SMC1B: variants seen among roughly 807,000 people sequenced by gnomAD.
SMC1B encodes structural maintenance of chromosomes 1B, also known as structural maintenance of chromosomes protein 1B.
A neutral mutation model predicts 157.9 loss-of-function variants in SMC1B; 60 were observed. The observed-to-expected ratio is 0.38, with a 90% CI of 0.31 to 0.47. The LOEUF (loss-of-function observed/expected upper bound fraction) is 0.47, where lower values mean the gene tolerates loss of function less well. SMC1B is among the 20% of genes least tolerant of loss of function. SMC1B has a pLI of 0.99. For synonymous variants in SMC1B, 445 were observed against 483.0 expected, an observed-to-expected ratio of 0.92 and a Z score of 1.03; for missense variants, 1,165 against 1,426.2, an observed-to-expected ratio of 0.82 and a Z score of 2.95.
In SMC1B at chr22:45,349,773, A is replaced by G. The variant is rs781418432; in HGVS notation, c.3450T>C (p.Val1150=). Residue 1150 remains valine (V), a synonymous_variant, in exon 23 of 25, where the codon GTT becomes GTC. Transcript: ENST00000357450. ...CTAGGGCTGCATCCACTTCATCTAA[A>G]ACAAAGAATGGGGCAGGACGAAAAC... The part of the protein sequence containing the change: ...VHSFRPAPFF[V]LDEVDAALDN... 6.2e-7 allele frequency: 1 copy of G among 1,612,170 alleles called. No individual in the cohort carries two copies. The highest frequency in any genetic ancestry group is 8.5e-7 in the Non-Finnish European group (1 of 1,179,558).
chr22:45,411,803 T>C (rs933058529), intron 1 of SMC1B, among the ~76,000 whole-genome samples: 2 of 152,156 alleles, frequency 1.3e-5, no homozygotes, highest in African/African-American at 4.8e-5. Context: ...CAGGCTGGTC[T>C]TGAACCCCTA....
intron 1 of SMC1B, among the ~76,000 whole-genome samples, chr22:45,409,609 T>TAAATAAAA (rs1471181472): frequency 3.1e-4 from 26 of 84,296 alleles, no homozygotes; most frequent in Non-Finnish European, 4.8e-4. Context: ...AATAAATAAA[T>TAAATAAAA]AAAAACAAGA....
intron 14 of SMC1B, 135 bp downstream of exon 14, chr22:45,371,336 C>T: frequency 6.9e-6 from 9 of 1,303,526 alleles, no homozygotes; most frequent in Non-Finnish European, 8.8e-6. Flanking sequence ...TAAAACTTAG[C>T]TTACAACATT....
intron 4 of SMC1B, among the ~76,000 whole-genome samples, chr22:45,403,621 GT>G (rs2087222599): frequency 6.6e-6 from 1 of 151,750 alleles, no homozygotes; most frequent in Non-Finnish European, 1.5e-5. Context: ...ACCAGGCAAA[GT>G]TTTTTATTTT....
intron 15 of SMC1B, among the ~76,000 whole-genome samples, chr22:45,364,901 G>A (rs1462233829): frequency 7.2e-5 from 10 of 139,602 alleles, no homozygotes; most frequent in Non-Finnish European, 1.5e-4. Flanking sequence ...GCAGTGGCAC[G>A]ATCTCGGCTC....
rs751688095 is a variant in SMC1B, at chr22:45,349,744, T to A, written c.3479A>T (p.Asn1160Ile). ...GAAACTTACTTTGCCTATGTTAGTA[T>A]TGTCTAGGGCTGCATCCACTTCATC... ...VLDEVDAALD[N>I]TNIGKVSSYI... The change falls in exon 23 of 25, where the codon AAT becomes ATT. Residue 1160 changes from asparagine (N) to isoleucine (I), a missense_variant. Asn to Ile is a moderately radical substitution (Grantham distance 149, BLOSUM62 -3). Coordinates refer to ENST00000357450, the MANE Select transcript of SMC1B (RefSeq NM_148674.5). 1 of 1,612,992 alleles carries A rather than the reference T, an allele frequency of 6.2e-7. No homozygotes were observed. The highest frequency in any genetic ancestry group is 8.5e-7 in the Non-Finnish European group (1 of 1,179,666).
At chr22:45,369,921 A>G in intron 15 of SMC1B, 33 bp downstream of exon 15, 2 of 1,133,414 alleles carry the variant, frequency 1.8e-6, no homozygotes, top group Non-Finnish European at 1.3e-6. Flanking sequence ...ATAAATATGT[A>G]AGCTCCTTAC....
chr22:45,375,697 A>G (rs1476330200), intron 12 of SMC1B, among the ~76,000 whole-genome samples: 1 of 152,188 alleles, frequency 6.6e-6, no homozygotes, highest in Non-Finnish European at 1.5e-5. Context: ...CCTTTTCTAC[A>G]TATGATGACA....
chr22:45,401,854 C>CCAGA (rs3071816), intron 5 of SMC1B, among the ~76,000 whole-genome samples: 92,952 of 151,392 alleles, frequency 0.61, 30,743 homozygotes, highest in African/African-American at 0.87. Flanking sequence ...GGGTATTACC[C>CCAGA]CAAACACCAC....
At chr22:45,363,051 C>T in intron 15 of SMC1B, 25 bp from the exon 16 acceptor site, 4 of 1,490,344 alleles carry the variant, frequency 2.7e-6, no homozygotes, top group Non-Finnish European at 3.6e-6. Context: ...TCAAGCATTA[C>T]AAGTGTAAAC....
chr22:45,352,030 A>C (rs1452475574), intron 22 of SMC1B, among the ~76,000 whole-genome samples: 1 of 152,144 alleles, frequency 6.6e-6, no homozygotes, highest in African/African-American at 2.4e-5. Flanking sequence ...TATTCCAAGT[A>C]TTTTTTCTTT....
intron 10 of SMC1B, among the ~76,000 whole-genome samples, chr22:45,388,949 T>C (rs1448076102): frequency 8.2e-6 from 1 of 121,516 alleles, no homozygotes; most frequent in Non-Finnish European, 1.6e-5. Context: ...ATCGTGCCAC[T>C]GCACTCCAGA....
intron 19 of SMC1B, among the ~76,000 whole-genome samples, chr22:45,355,722 G>C (rs896669558): frequency 0.038 from 14 of 364 alleles, no homozygotes; most frequent in African/African-American, 0.13. Context: ...ATGAATAGAA[G>C]AGAAAAAGTG....
chr22:45,369,892 T>A (rs1304512972), intron 15 of SMC1B, 62 bp downstream of exon 15: 1 of 975,996 alleles, frequency 1.0e-6, no homozygotes, highest in Non-Finnish European at 1.5e-6. Flanking sequence ...CTCTAAATTA[T>A]GAAATAATAA....
chr22:45,367,491 G>A (rs780921444), intron 15 of SMC1B, among the ~76,000 whole-genome samples: 1 of 152,188 alleles, frequency 6.6e-6, no homozygotes, highest in African/African-American at 2.4e-5. Flanking sequence ...TCTGTGTGGT[G>A]TTGCTGTGTG....
rs376397663 is a variant in SMC1B at position 45,375,389 on chromosome 22, G to A, written c.2059-3097C>T. Among the ~76,000 whole-genome samples, 100 of 152,294 alleles carry A rather than the reference G, an allele frequency of 6.6e-4. 1 individual carries two copies. The highest frequency in any genetic ancestry group is 2.3e-3 in the African/African-American group (95 of 41,558). On this transcript the variant is annotated intron_variant, in intron 12 of 24. Coordinates refer to ENST00000357450, the MANE Select transcript of SMC1B (RefSeq NM_148674.5). ...GCTCTGACCACCTTGGGCACATGCT[G>A]TCAGGACCTCCTGAGACTGTGTCAT...
intron 17 of SMC1B, among the ~76,000 whole-genome samples, chr22:45,360,837 CT>C (rs2086714577): frequency 6.6e-6 from 1 of 152,238 alleles, no homozygotes; most frequent in Non-Finnish European, 1.5e-5. Flanking sequence ...AGAGAATTAA[CT>C]TTGTCTAATC....
chr22:45,411,935 G>A (rs1234024315), intron 1 of SMC1B, among the ~76,000 whole-genome samples: 1 of 152,036 alleles, frequency 6.6e-6, no homozygotes, highest in Admixed American at 6.6e-5. Flanking sequence ...CTGGAATGCA[G>A]TGGCACAGTC....
At chr22:45,366,598 ATACAT>A (rs1318489310) in intron 15 of SMC1B, among the ~76,000 whole-genome samples, 2 of 152,212 alleles carry the variant, frequency 1.3e-5, no homozygotes, top group East Asian at 1.9e-4. Flanking sequence ...AGGCTTGAAA[ATACAT>A]TAAGTAAAAT....
Sources: gnomAD v4.1 joint callset for allele counts (sites outside exome capture counted in the v4.1 genomes callset) on GRCh38, gnomAD v4.1.1 for gene constraint, MANE v1.5 for transcripts, NCBI Gene and HGNC (gene_info 2026-07-23, HGNC 2026-07-21) for gene names.